DIS3L2: variants seen among roughly 807,000 people sequenced by gnomAD.
The protein encoded by DIS3L2 is DIS3 like 3'-5' exoribonuclease 2.
In DIS3L2, 34 loss-of-function variants were observed where a neutral mutation model predicts 97.5. The observed-to-expected ratio is 0.35, with a 90% CI of 0.27 to 0.46. The LOEUF (loss-of-function observed/expected upper bound fraction) is 0.46, where lower values mean the gene tolerates loss of function less well. DIS3L2 is among the 20% of genes least tolerant of loss of function. The pLI, the probability that DIS3L2 is intolerant of heterozygous loss-of-function variation, is 1.00. For missense variants in DIS3L2, 1,038 were observed against 1,146.0 expected (o/e 0.91, Z 1.36); for synonymous variants, 435 against 445.2 (o/e 0.98, Z 0.29).
rs75732779 is a variant in DIS3L2, at chr2:232,267,883, A to G, written c.1659+4443A>G. Among the ~76,000 whole-genome samples, 328 of 152,364 alleles carry G rather than the reference A, an allele frequency of 2.2e-3. 2 individuals are homozygous for G. Among genetic ancestry groups the G allele is most frequent in the South Asian group, 5.2e-3 (25 of 4,828 alleles). The stretch of plus-strand genomic sequence containing the variant: ...CAGGCTTCTTAGCCATGGCATTCAG[A>G]AAAGATACCAAGGGAGGGTGGCAGG... On this transcript the variant is annotated intron_variant, in intron 13 of 20. Coordinates refer to ENST00000325385, the MANE Select transcript of DIS3L2 (RefSeq NM_152383.5).
chr2:232,129,677 T>G (rs1287671207), intron 6 of DIS3L2, among the ~76,000 whole-genome samples: 2 of 152,210 alleles, frequency 1.3e-5, no homozygotes, highest in African/African-American at 4.8e-5. Flanking sequence ...AAAGTTGGCT[T>G]TAAGCTGAGT....
In DIS3L2 at chr2:232,158,334, T is replaced by TGTGC. The variant is rs1553611915; in HGVS notation, c.951-5124_951-5123insTGCG. ...GTGTGTGTGTGTGTGTGTGTGTGTG[T>TGTGC]GCATGTGTGTGTTCGGGTTCTCTGA... On this transcript the variant is annotated intron_variant, in intron 8 of 20. Coordinates refer to ENST00000325385, the MANE Select transcript of DIS3L2 (RefSeq NM_152383.5). Among the ~76,000 whole-genome samples the TGTGC allele has an allele frequency of 6.4e-3, 954 of 148,222 alleles. 2 individuals carry two copies. Among genetic ancestry groups the TGTGC allele is most frequent in the South Asian group, 0.025 (118 of 4,690 alleles).
intron 6 of DIS3L2, among the ~76,000 whole-genome samples, chr2:232,118,558 G>A (rs1327491069): frequency 6.6e-6 from 1 of 152,164 alleles, no homozygotes; most frequent in Non-Finnish European, 1.5e-5. Context: ...CCCCACAACA[G>A]TCTTGTATTT....
intron 1 of DIS3L2, among the ~76,000 whole-genome samples, chr2:231,981,598 T>TTTTATA (rs1271512116): frequency 5.5e-4 from 46 of 84,054 alleles, no homozygotes; most frequent in South Asian, 2.0e-3. Context: ...GTTAAGTATT[T>TTTTATA]TATATATATA....
rs1346099514 is a variant in DIS3L2, at chr2:232,015,497, C to T, written c.53-17C>T. 6.2e-7 allele frequency: 1 copy of T among 1,608,940 alleles called. No individual in the cohort carries two copies. Among genetic ancestry groups the T allele is most frequent in the Non-Finnish European group, 8.5e-7 (1 of 1,177,402 alleles). On this transcript the variant is annotated splice_polypyrimidine_tract_variant and intron_variant, in intron 2 of 20. Transcript: ENST00000325385. Reference sequence around the variant, plus strand: ...AGATGTTTGAGGAAAGAGTTGATTGCTGCCTCCTGTTTCTAGGTGTGTCTG... The same window carrying T: ...AGATGTTTGAGGAAAGAGTTGATTGTTGCCTCCTGTTTCTAGGTGTGTCTG...
Position 232,087,545 on chromosome 2 carries a change from C to T in DIS3L2, c.425C>T (p.Pro142Leu), listed in dbSNP as rs1284943606. Residue 142 changes from proline (P) to leucine (L), a missense_variant, in exon 6 of 21, where the codon CCC (proline) becomes CTC (leucine). Transcript: ENST00000325385. Reference protein sequence around the residue: ...ETEAAYESDIPEELCGHHLPQ... With the variant: ...ETEAAYESDILEELCGHHLPQ... ...GAAGCTGCGTATGAATCAGATATCC[C>T]CGAGGAGCTCTGTGGACACCATCTC... is the stretch of plus-strand genomic sequence containing the variant. The T allele has an allele frequency of 6.2e-7, 1 of 1,613,962 alleles. No individual in the cohort carries two copies. The highest frequency in any genetic ancestry group is 1.1e-5 in the South Asian group (1 of 91,054).
intron 5 of DIS3L2, among the ~76,000 whole-genome samples, chr2:232,038,010 T>G (rs1183766615): frequency 6.6e-6 from 1 of 152,244 alleles, no homozygotes; most frequent in African/African-American, 2.4e-5. Context: ...CTCTTTTTTC[T>G]TTTTGAATTA....
At chr2:232,022,393 C>T (rs1010366532) in intron 3 of DIS3L2, among the ~76,000 whole-genome samples, 9 of 152,140 alleles carry the variant, frequency 5.9e-5, no homozygotes, top group African/African-American at 2.2e-4. Context: ...TTCTTAACAT[C>T]TTTTCTTTTA....
At chr2:232,250,886 A>G (rs1052236572) in intron 12 of DIS3L2, among the ~76,000 whole-genome samples, 2 of 151,902 alleles carry the variant, frequency 1.3e-5, no homozygotes, top group Non-Finnish European at 1.5e-5. Flanking sequence ...GAATAAAAAC[A>G]TAAAGATACT....
In DIS3L2 at chr2:232,334,683, C is replaced by T. The variant is rs1258800876; in HGVS notation, c.2342C>T (p.Ala781Val). 3 of 1,610,936 alleles carry T rather than the reference C, an allele frequency of 1.9e-6. No individual in the cohort carries two copies. Among genetic ancestry groups the T allele is most frequent in the Non-Finnish European group, 1.7e-6 (2 of 1,178,864 alleles). Residue 781 changes from alanine to valine, a missense_variant, in exon 19 of 21, where the codon GCC becomes GTC. Physicochemically the swap from Ala to Val is moderately conservative, Grantham distance 64. Transcript: ENST00000325385. ...ATGGTGATGGGCATCCTGAAGCAAG[C>T]CTTCGACGTGCTGGTGCTGCGCTAC... Reference protein sequence around the residue: ...EAMVMGILKQAFDVLVLRYGV... With the variant: ...EAMVMGILKQVFDVLVLRYGV...
chr2:232,166,074 A>ATAAG (rs1553612613), intron 9 of DIS3L2, among the ~76,000 whole-genome samples: 1 of 75,000 alleles, frequency 1.3e-5, no homozygotes, highest in African/African-American at 7.5e-5. Flanking sequence ...TGTCTCTACA[A>ATAAG]TAAATAAATA....
chr2:232,216,987 C>T (rs932576199), intron 10 of DIS3L2, among the ~76,000 whole-genome samples: 7 of 152,108 alleles, frequency 4.6e-5, no homozygotes, highest in African/African-American at 9.7e-5. Context: ...GGACTACAGG[C>T]GCCTGCCACC....
At chr2:232,148,150 A>G (rs901714397) in intron 8 of DIS3L2, among the ~76,000 whole-genome samples, 12 of 151,332 alleles carry the variant, frequency 7.9e-5, no homozygotes, top group Admixed American at 4.0e-4. Flanking sequence ...CCTGGGTTCA[A>G]GCGATTCTCC....
chr2:232,339,404 G>A (rs565617234), downstream of DIS3L2, among the ~76,000 whole-genome samples: 4 of 152,328 alleles, frequency 2.6e-5, no homozygotes, highest in East Asian at 5.8e-4. Context: ...AGGAGGGGCT[G>A]TGATTGCCCA....
At position 232,292,362 on chromosome 2, in the gene DIS3L2, C is replaced by T. The variant is rs965564647; in HGVS notation, c.1660-7678C>T. 6.6e-6 allele frequency among the ~76,000 whole-genome samples: 1 copy of T among 152,190 alleles called. No homozygotes were observed. Among genetic ancestry groups the T allele is most frequent in the Non-Finnish European group, 1.5e-5 (1 of 68,030 alleles). On this transcript the variant is annotated intron_variant, in intron 13 of 20. Transcript: ENST00000325385. This position sits in a 1 kb window ranked among gnomAD's most constrained non-coding sequence, Gnocchi z 4.4. ...AGTCCTCAGTCACTCATTCTTGTTACCCACCTGTTGCCATCTGCTGGGAGG... is the reference window on the plus strand; with the variant it reads ...AGTCCTCAGTCACTCATTCTTGTTATCCACCTGTTGCCATCTGCTGGGAGG...
chr2:232,190,494 C>T (rs995205019), intron 9 of DIS3L2, among the ~76,000 whole-genome samples: 4 of 151,716 alleles, frequency 2.6e-5, no homozygotes, highest in Non-Finnish European at 5.9e-5. Context: ...ATGAACGACA[C>T]AATTTTTGGA....
chr2:232,255,069 A>G (rs1291933970), intron 12 of DIS3L2, among the ~76,000 whole-genome samples: 2 of 152,232 alleles, frequency 1.3e-5, no homozygotes, highest in Admixed American at 1.3e-4. Context: ...CTCACATCCA[A>G]GGGATGGTCC....
chr2:232,018,258 C>CAAACA (rs1353055640), intron 3 of DIS3L2, among the ~76,000 whole-genome samples: 2 of 141,202 alleles, frequency 1.4e-5, no homozygotes, highest in East Asian at 4.1e-4. Flanking sequence ...TGCTGATACT[C>CAAACA]AAACAAAACA....
At chr2:232,224,592 A>G (rs1175644577) in intron 10 of DIS3L2, among the ~76,000 whole-genome samples, 3 of 152,206 alleles carry the variant, frequency 2.0e-5, no homozygotes, top group Non-Finnish European at 4.4e-5. Context: ...TAATCCCACC[A>G]CTTTGGAAGG....
Sources: allele counts gnomAD v4.1 joint callset (sites outside exome capture counted in the v4.1 genomes callset), GRCh38; gene constraint gnomAD v4.1.1; non-coding constraint Gnocchi (gnomAD v3.1); transcripts MANE v1.5; gene names NCBI Gene and HGNC (gene_info 2026-07-23, HGNC 2026-07-21).